IGF2BP3: variants seen among roughly 807,000 people sequenced by gnomAD.
The protein encoded by IGF2BP3 is insulin-like growth factor 2 mRNA-binding protein 3.
IGF2BP3 carries 9 observed loss-of-function variants against 73.8 expected under a neutral mutation model. That is an observed-to-expected ratio of 0.12 (90% CI 0.07 to 0.21). The LOEUF (loss-of-function observed/expected upper bound fraction) is 0.21. IGF2BP3 is among the 10% of genes least tolerant of loss of function. The pLI is 1.00. For synonymous variants in IGF2BP3, 258 were observed against 256.7 expected (o/e 1.01, Z -0.05); for missense variants, 542 against 714.0 (o/e 0.76, Z 2.75).
intron 3 of IGF2BP3, among the ~76,000 whole-genome samples, chr7:23,410,836 G>C (rs1786994442): frequency 6.6e-6 from 1 of 152,180 alleles, no homozygotes; most frequent in Admixed American, 6.5e-5. Flanking sequence ...TTCTGTTAGA[G>C]CAACCTGATT....
At chr7:23,321,803 G>A (rs1281773885) in intron 10 of IGF2BP3, among the ~76,000 whole-genome samples, 1 of 152,192 alleles carries the variant, frequency 6.6e-6, no homozygotes, top group African/African-American at 2.4e-5. Context: ...GCACCCCCCA[G>A]CAGGGGCACA....
chr7:23,415,432 G>GGCAT (rs1329942698), intron 3 of IGF2BP3: 58 of 183,746 alleles, frequency 3.2e-4, no homozygotes, highest in African/African-American at 1.4e-3. Flanking sequence ...TCCGTCAGCC[G>GGCAT]GCATCACCGC....
intron 10 of IGF2BP3, among the ~76,000 whole-genome samples, chr7:23,335,975 T>G (rs893743887): frequency 7.9e-5 from 12 of 152,202 alleles, no homozygotes; most frequent in African/African-American, 2.7e-4. Flanking sequence ...AAGAACCAAC[T>G]CTTTGGCTCT....
chr7:23,347,615 G>C lies in IGF2BP3; in HGVS notation c.803C>G (p.Ala268Gly), dbSNP rs1784860281. ...KSILEIMHKEAQDIKFTEEIP... is the reference protein window; with the variant it reads ...KSILEIMHKEGQDIKFTEEIP... ...CTTTACTCACAATTTTATATCTTGA[G>C]CTTCCTTATGCATAATCTCCAGAAT... The change falls in exon 7 of 15, where the codon GCT becomes GGT. Residue 268 changes from alanine to glycine, a missense_variant. Around this residue, in one of 2 missense-constraint regions of IGF2BP3, gnomAD observed 303 missense variants for 472.1 expected, o/e 0.64. Transcript: ENST00000258729. 6.2e-7 allele frequency: 1 copy of C among 1,613,584 alleles called. No homozygotes were observed. The highest frequency in any genetic ancestry group is 8.5e-7 in the Non-Finnish European group (1 of 1,179,862).
At position 23,458,105 on chromosome 7, in the gene IGF2BP3, G is replaced by C. The variant is rs559122118; in HGVS notation, c.236+10377C>G. ...TCCATTGGAATGACTACTGGGTGACGTTGTATTCATCCTTTACACACATTG... is the reference window on the plus strand; with the variant it reads ...TCCATTGGAATGACTACTGGGTGACCTTGTATTCATCCTTTACACACATTG... On this transcript the variant is annotated intron_variant, in intron 2 of 14. Coordinates refer to ENST00000258729, the MANE Select transcript of IGF2BP3 (RefSeq NM_006547.3). 3.5e-4 allele frequency among the ~76,000 whole-genome samples: 54 copies of C among 152,202 alleles called. No homozygotes were observed. In the South Asian group the frequency reaches 8.3e-3, roughly 23 times the overall value.
chr7:23,313,097 G>A (rs922626570), intron 13 of IGF2BP3, among the ~76,000 whole-genome samples: 1 of 152,186 alleles, frequency 6.6e-6, no homozygotes, highest in Non-Finnish European at 1.5e-5. Context: ...ATTCCAAAGT[G>A]TATGTACTCA....
chr7:23,395,395 T>TA lies in IGF2BP3; in HGVS notation c.285+23380dup, dbSNP rs1281212796. Among the ~76,000 whole-genome samples the TA allele has an allele frequency of 8.9e-4, 134 of 150,930 alleles. 1 individual carries two copies. Among genetic ancestry groups the TA allele is most frequent in the African/African-American group, 2.0e-3 (80 of 41,008 alleles). On this transcript the variant is annotated intron_variant, in intron 3 of 14. Coordinates refer to ENST00000258729, the MANE Select transcript of IGF2BP3 (RefSeq NM_006547.3). ...ATTTCCATTTGCCACCACCAAAAAA[T>TA]AAAAAACAACACAAAGAAACAAAAA...
chr7:23,414,785 C>T (rs1052202654), intron 3 of IGF2BP3: 2 of 175,860 alleles, frequency 1.1e-5, no homozygotes, highest in African/African-American at 4.8e-5. Context: ...AGATGACATG[C>T]TCTTGCCCGT....
At chr7:23,367,809 G>GGTGAAACA (rs1011504306) in intron 3 of IGF2BP3, among the ~76,000 whole-genome samples, 15 of 151,782 alleles carry the variant, frequency 9.9e-5, no homozygotes, top group Admixed American at 7.9e-4. Context: ...GAGACCAGCC[G>GGTGAAACA]GGCCAACATG....
At chr7:23,334,236 G>A (rs867240243) in intron 10 of IGF2BP3, among the ~76,000 whole-genome samples, 1 of 152,156 alleles carries the variant, frequency 6.6e-6, no homozygotes, top group African/African-American at 2.4e-5. Flanking sequence ...GCTGAGGCAG[G>A]AGAATCGCTC....
chr7:23,368,997 A>G (rs752737320), intron 3 of IGF2BP3, among the ~76,000 whole-genome samples: 1 of 152,250 alleles, frequency 6.6e-6, no homozygotes, highest in Non-Finnish European at 1.5e-5. Context: ...TGTTAAAAAA[A>G]TACTAAAAGC....
intron 2 of IGF2BP3, among the ~76,000 whole-genome samples, chr7:23,459,090 CT>C (rs1788385853): frequency 6.6e-6 from 1 of 152,180 alleles, no homozygotes; most frequent in South Asian, 2.1e-4. Context: ...GTTTTCCTTT[CT>C]TATAATATTT....
chr7:23,428,982 T>A (rs965783470), intron 2 of IGF2BP3, among the ~76,000 whole-genome samples: 1 of 152,176 alleles, frequency 6.6e-6, no homozygotes, highest in African/African-American at 2.4e-5. Context: ...TGAGCATTTC[T>A]GCTTTCTGTT....
intron 2 of IGF2BP3, among the ~76,000 whole-genome samples, chr7:23,446,535 C>T (rs1041470987): frequency 2.0e-5 from 3 of 151,900 alleles, no homozygotes; most frequent in Non-Finnish European, 4.4e-5. Flanking sequence ...GCTGCCTGGG[C>T]GACAGAGCAA....
rs141882109 is a variant in IGF2BP3, at chr7:23,392,433, C to CATATAT, written c.285+26337_285+26342dup. On this transcript the variant is annotated intron_variant, in intron 3 of 14. Coordinates refer to ENST00000258729, the MANE Select transcript of IGF2BP3 (RefSeq NM_006547.3). ...AAAAAAGACAAGGACAGCTTATCATCATATATATATATATATATACACACA... is the reference window on the plus strand; with the variant it reads ...AAAAAAGACAAGGACAGCTTATCATCATATATATATATATATATATATATACACACA... Among the ~76,000 whole-genome samples the CATATAT allele has an allele frequency of 3.4e-3, 479 of 141,920 alleles. 4 individuals are homozygous for CATATAT. The highest frequency in any genetic ancestry group is 7.3e-3 in the African/African-American group (277 of 37,856). The allele number at this position is 141,920 out of a possible 152,430, so 93.1% of individuals were successfully genotyped here.
At chr7:23,433,567 A>G (rs547628586) in intron 2 of IGF2BP3, among the ~76,000 whole-genome samples, 1 of 151,516 alleles carries the variant, frequency 6.6e-6, no homozygotes, top group African/African-American at 2.4e-5. Context: ...TGCAGCCTCA[A>G]CCTCTTGGGC....
At chr7:23,379,202 G>A (rs1417192428) in intron 3 of IGF2BP3, among the ~76,000 whole-genome samples, 3 of 152,148 alleles carry the variant, frequency 2.0e-5, no homozygotes, top group African/African-American at 7.2e-5. Context: ...ATTTATTGGT[G>A]GGGTGGAGCA....
intron 12 of IGF2BP3, among the ~76,000 whole-genome samples, chr7:23,314,973 T>C (rs1783943019): frequency 6.6e-6 from 1 of 151,492 alleles, no homozygotes. Flanking sequence ...TAATTTTTTG[T>C]TGTTATTTTA....
intron 3 of IGF2BP3, among the ~76,000 whole-genome samples, chr7:23,376,458 C>T (rs1785720704): frequency 6.7e-6 from 1 of 149,370 alleles, no homozygotes; most frequent in Non-Finnish European, 1.5e-5. Flanking sequence ...TGGCTTGAAC[C>T]GGGAAAGCAA....
Sources: allele counts gnomAD v4.1 joint callset (sites outside exome capture counted in the v4.1 genomes callset), GRCh38; gene constraint gnomAD v4.1.1; regional missense constraint gnomAD v4.1.1; transcripts MANE v1.5; gene names NCBI Gene and HGNC (gene_info 2026-07-23, HGNC 2026-07-21).